The following FARS2 variants were observed in gnomAD, a reference collection of about 807,000 sequenced individuals.
The protein encoded by FARS2 is phenylalanine--tRNA ligase, mitochondrial.
In FARS2, 40 loss-of-function variants were observed where a neutral mutation model predicts 46.4. The observed-to-expected ratio is 0.86, with a 90% CI of 0.67 to 1.12. The LOEUF is 1.12. Ranked by LOEUF, FARS2 falls within the 50% of genes most tolerant of loss-of-function variation. The probability of loss-of-function intolerance (pLI) is 0.00; values close to 1 mark genes in which losing one functional copy is unlikely to be tolerated. For missense variants in FARS2, 513 were observed against 567.9 expected, an observed-to-expected ratio of 0.90 and a Z score of 0.98; for synonymous variants, 234 against 214.9, an observed-to-expected ratio of 1.09 and a Z score of -0.78.
chr6:5,579,510 G>A (rs1773202819), intron 5 of FARS2, among the ~76,000 whole-genome samples: 1 of 152,174 alleles, frequency 6.6e-6, no homozygotes, highest in African/African-American at 2.4e-5. Context: ...TTGACCTCAG[G>A]TGATCCACCT....
intron 5 of FARS2, among the ~76,000 whole-genome samples, chr6:5,596,844 G>A (rs1224435834): frequency 2.0e-5 from 3 of 152,226 alleles, no homozygotes; most frequent in African/African-American, 7.2e-5. Context: ...AGTTTACAAT[G>A]TAGGAAGGAC....
intron 6 of FARS2, among the ~76,000 whole-genome samples, chr6:5,645,315 G>T (rs1329260974): frequency 6.6e-6 from 1 of 152,244 alleles, no homozygotes; most frequent in Non-Finnish European, 1.5e-5. Flanking sequence ...CTCTGGGCCA[G>T]TGCGTCTGTT....
At chr6:5,339,649 G>A (rs1771413963) in intron 1 of FARS2, among the ~76,000 whole-genome samples, 1 of 152,018 alleles carries the variant, frequency 6.6e-6, no homozygotes, top group African/African-American at 2.4e-5. Context: ...TGCCCAAGCT[G>A]GTCTCAAACT....
intron 2 of FARS2, among the ~76,000 whole-genome samples, chr6:5,384,194 T>C (rs748285162): frequency 9.9e-5 from 15 of 152,234 alleles, no homozygotes; most frequent in Non-Finnish European, 2.1e-4. Context: ...GATTGAAATT[T>C]CTGATTCTCT....
At chr6:5,385,622 C>T (rs1171481697) in intron 2 of FARS2, among the ~76,000 whole-genome samples, 4 of 152,048 alleles carry the variant, frequency 2.6e-5, no homozygotes, top group African/African-American at 9.7e-5. Context: ...GACGGGGTTT[C>T]ACCATGTTGG....
intron 6 of FARS2, among the ~76,000 whole-genome samples, chr6:5,675,199 GACACACAC>G (rs3057239): frequency 0.014 from 2,017 of 145,034 alleles, 36 homozygotes; most frequent in African/African-American, 0.047. Flanking sequence ...TTTGCAGATA[GACACACAC>G]ACACACACAC....
intron 6 of FARS2, among the ~76,000 whole-genome samples, chr6:5,709,177 G>C (rs1394426970): frequency 2.0e-5 from 3 of 152,206 alleles, no homozygotes; most frequent in African/African-American, 7.2e-5. Context: ...GGGTGGGCCA[G>C]AAGGTGTGGT....
chr6:5,770,296 A>C (rs1322360556), intron 6 of FARS2, among the ~76,000 whole-genome samples: 1 of 152,150 alleles, frequency 6.6e-6, no homozygotes, highest in Non-Finnish European at 1.5e-5. Context: ...TGGCTAGGCT[A>C]AGGGCTGGTT....
chr6:5,406,294 C>G (rs1314427158), intron 3 of FARS2, among the ~76,000 whole-genome samples: 3 of 152,194 alleles, frequency 2.0e-5, no homozygotes, highest in African/African-American at 7.2e-5. Context: ...ATACAATGAA[C>G]TGCACACGAA....
intron 1 of FARS2, among the ~76,000 whole-genome samples, chr6:5,366,588 G>A (rs754067624): frequency 2.6e-4 from 40 of 152,240 alleles, no homozygotes; most frequent in South Asian, 8.3e-4. Flanking sequence ...GGCAAGCTGG[G>A]GGTTGCGTGA....
intron 1 of FARS2, among the ~76,000 whole-genome samples, chr6:5,324,347 A>G (rs933932070): frequency 3.3e-5 from 5 of 151,920 alleles, no homozygotes; most frequent in Admixed American, 6.6e-5. Flanking sequence ...TGCTGTATCA[A>G]TTAATTTATA....
chr6:5,720,720 A>G (rs1041764571), intron 6 of FARS2, among the ~76,000 whole-genome samples: 6 of 152,212 alleles, frequency 3.9e-5, no homozygotes, highest in African/African-American at 1.4e-4. Context: ...ACTGATATTG[A>G]TCATATTAAA....
intron 6 of FARS2, among the ~76,000 whole-genome samples, chr6:5,704,279 G>A (rs758358080): frequency 1.3e-4 from 20 of 152,212 alleles, no homozygotes; most frequent in Non-Finnish European, 2.5e-4. Context: ...CATGTCACAG[G>A]GGCAAGGGAG....
At chr6:5,399,963 A>G (rs1279222896) in intron 2 of FARS2, among the ~76,000 whole-genome samples, 2 of 152,186 alleles carry the variant, frequency 1.3e-5, no homozygotes, top group Non-Finnish European at 2.9e-5. Context: ...TTGGAAGTAT[A>G]TTTTCAGGGT....
chr6:5,672,872 G>C (rs377754242), intron 6 of FARS2, among the ~76,000 whole-genome samples: 1 of 152,072 alleles, frequency 6.6e-6, no homozygotes, highest in Non-Finnish European at 1.5e-5. Context: ...GATTAGAAAC[G>C]CCTTTGAGTG....
intron 6 of FARS2, among the ~76,000 whole-genome samples, chr6:5,717,929 T>TAGAGAGAGAGAGAGAG (rs372348270): frequency 7.2e-4 from 76 of 105,030 alleles, no homozygotes; most frequent in South Asian, 1.1e-3. Context: ...TATATATATA[T>TAGAGAGAGAGAGAGAG]ATATATACAG....
intron 5 of FARS2, among the ~76,000 whole-genome samples, chr6:5,604,676 A>T (rs987916193): frequency 9.2e-5 from 14 of 152,242 alleles, no homozygotes; most frequent in Admixed American, 2.0e-4. Flanking sequence ...GATTGCCTTT[A>T]TGTATGATTT....
At position 5,359,029 on chromosome 6, in the gene FARS2, C is replaced by CTTTTTTTTTTTTTTTTTTTTTTTTT. The variant is rs764897456; in HGVS notation, c.-21-9521_-21-9520insTTTTTTTTTTTTTTTTTTTTTTTTT. On this transcript the variant is annotated intron_variant, in intron 1 of 6. Coordinates refer to ENST00000274680, the MANE Select transcript of FARS2 (RefSeq NM_006567.5). ...TCGAATTATAGTGATGAAAAGATAC[C>CTTTTTTTTTTTTTTTTTTTTTTTTT]CTTTTTTTTTTTTTTTTTTTTTTTT... is the stretch of plus-strand genomic sequence containing the variant. Among the ~76,000 whole-genome samples, 23 of 72,516 alleles carry CTTTTTTTTTTTTTTTTTTTTTTTTT rather than the reference C, an allele frequency of 3.2e-4. 11 individuals are homozygous for CTTTTTTTTTTTTTTTTTTTTTTTTT. Among genetic ancestry groups the CTTTTTTTTTTTTTTTTTTTTTTTTT allele is most frequent in the Admixed American group, 3.9e-4 (2 of 5,186 alleles). The allele number at this position is 72,516 out of a possible 152,430, so 47.6% of individuals were successfully genotyped here.
chr6:5,656,628 G>A (rs139140658), intron 6 of FARS2, among the ~76,000 whole-genome samples: 95 of 152,126 alleles, frequency 6.2e-4, no homozygotes, highest in African/African-American at 2.3e-3. Context: ...TCAGCTCACT[G>A]CAACCTCCGC....
Sources: allele counts gnomAD v4.1 joint callset (sites outside exome capture counted in the v4.1 genomes callset), GRCh38; gene constraint gnomAD v4.1.1; transcripts MANE v1.5; gene names NCBI Gene and HGNC (gene_info 2026-07-23, HGNC 2026-07-21).